FLNB: variants seen among roughly 807,000 people sequenced by gnomAD.
FLNB encodes the protein filamin-B.
In FLNB, 111 loss-of-function variants were observed where a neutral mutation model predicts 250.6. That is an observed-to-expected ratio of 0.44 (90% CI 0.38 to 0.52). The LOEUF (loss-of-function observed/expected upper bound fraction) is 0.52. FLNB is among the 20% of genes least tolerant of loss of function. The probability of loss-of-function intolerance (pLI) is 0.00; values close to 1 mark genes in which losing one functional copy is unlikely to be tolerated. For synonymous variants in FLNB, 1,302 were observed against 1,372.1 expected, an observed-to-expected ratio of 0.95 and a Z score of 1.13; for missense variants, 2,869 against 3,447.8, an observed-to-expected ratio of 0.83 and a Z score of 4.20.
rs531124844 is a variant in FLNB at position 58,109,877 on chromosome 3, A to G, written c.2324-133A>G. 146 of 1,420,520 alleles carry G rather than the reference A, an allele frequency of 1.0e-4. 2 individuals are homozygous for G. In the South Asian group the frequency reaches 1.5e-3, roughly 15 times the overall value. The allele number at this position is 1,420,520 out of a possible 1,614,324, so 88.0% of individuals were successfully genotyped here. ...GCTAATCCATCATCCCTTTCCCCAAATCCTTACTCTTTCTCAGGTTTCTTA... is the reference window on the plus strand; with the variant it reads ...GCTAATCCATCATCCCTTTCCCCAAGTCCTTACTCTTTCTCAGGTTTCTTA... On this transcript the variant is annotated intron_variant, in intron 15 of 45. Coordinates refer to ENST00000295956, the MANE Select transcript of FLNB (RefSeq NM_001457.4).
intron 25 of FLNB, chr3:58,132,300 C>A (rs1345225958): frequency 2.1e-6 from 1 of 465,220 alleles, no homozygotes; most frequent in East Asian, 4.4e-5. Flanking sequence ...GGCACCCTCA[C>A]CTGCCCTGCA....
chr3:58,018,707 G>A lies in FLNB; in HGVS notation c.292+9851G>A, dbSNP rs996445483. 7.9e-5 allele frequency among the ~76,000 whole-genome samples: 12 copies of A among 151,990 alleles called. 1 individual carries two copies. The highest frequency in any genetic ancestry group is 2.2e-4 in the African/African-American group (9 of 41,474). On this transcript the variant is annotated intron_variant, in intron 1 of 45. Coordinates refer to ENST00000295956, the MANE Select transcript of FLNB (RefSeq NM_001457.4). Reference sequence around the variant, plus strand: ...AATTTTTTGTATTTTTAGTAGAAACGGGGTTTCAGCATGTTGGCCAGGCTG... The same window carrying A: ...AATTTTTTGTATTTTTAGTAGAAACAGGGTTTCAGCATGTTGGCCAGGCTG...
chr3:58,103,960 G>T lies in FLNB; in HGVS notation c.1485G>T (p.Lys495Asn). 6.2e-7 allele frequency: 1 copy of T among 1,614,062 alleles called. No homozygotes were observed. Residue 495 changes from lysine to asparagine, a missense_variant and splice_region_variant, in exon 10 of 46, where the codon AAG becomes AAT. By Grantham distance (94) the Lys-to-Asn change is moderately conservative (BLOSUM62 0). Transcript: ENST00000295956. Reference protein sequence around the residue: ...GELGVTMKGPKGLEELVKQKD... With the variant: ...GELGVTMKGPNGLEELVKQKD... ...AGATTATCTCCTTCCTTCCCACAGA[G>T]GGTCTGGAGGAGCTGGTGAAGCAGA...
chr3:58,073,709 A>G (rs1451578967), intron 1 of FLNB, among the ~76,000 whole-genome samples: 1 of 152,136 alleles, frequency 6.6e-6, no homozygotes, highest in Non-Finnish European at 1.5e-5. Flanking sequence ...CGAGACTACA[A>G]GGAAGGTGCC....
rs115881123 is a variant in FLNB, at chr3:58,033,552, T to C, written c.292+24696T>C. Among the ~76,000 whole-genome samples, 1,448 of 152,238 alleles carry C rather than the reference T, an allele frequency of 9.5e-3. 26 individuals are homozygous for C. Among genetic ancestry groups the C allele is most frequent in the African/African-American group, 0.033 (1,385 of 41,536 alleles). ...GATTACAGGCACATGCTATCATGCC[T>C]AGCTAATTTTTGTATTTTTAGTAAA... On this transcript the variant is annotated intron_variant, in intron 1 of 45. Coordinates refer to ENST00000295956, the MANE Select transcript of FLNB (RefSeq NM_001457.4).
chr3:58,095,265 A>G (rs2097236493), intron 5 of FLNB, among the ~76,000 whole-genome samples: 1 of 81,772 alleles, frequency 1.2e-5, no homozygotes, highest in South Asian at 5.8e-4. Flanking sequence ...ATTGAGACAG[A>G]GTTTCACTCC....
intron 4 of FLNB, among the ~76,000 whole-genome samples, chr3:58,088,125 C>G (rs2097220483): frequency 6.8e-6 from 1 of 147,280 alleles, no homozygotes; most frequent in African/African-American, 2.5e-5. Context: ...CGCTGCAACC[C>G]CCGCCTCTGC....
chr3:58,063,406 G>C (rs1183905122), intron 1 of FLNB, among the ~76,000 whole-genome samples: 2 of 152,196 alleles, frequency 1.3e-5, no homozygotes, highest in Non-Finnish European at 2.9e-5. Flanking sequence ...CGTGTGTTTG[G>C]AGGCCTCCTC....
At chr3:58,111,946 T>C in intron 17 of FLNB, 65 bp downstream of exon 17, 1 of 1,376,566 alleles carries the variant, frequency 7.3e-7, no homozygotes, top group Non-Finnish European at 1.0e-6. Flanking sequence ...GCGTGTTTCA[T>C]CCACGGCCTT....
At chr3:58,159,008 T>C (rs752203752) in intron 41 of FLNB, among the ~76,000 whole-genome samples, 6 of 151,832 alleles carry the variant, frequency 4.0e-5, no homozygotes, top group Non-Finnish European at 7.4e-5. Context: ...TTTGGCACCC[T>C]AGATATATAG....
intron 12 of FLNB, 79 bp from the exon 13 acceptor site, chr3:58,108,379 C>T (rs1173204715): frequency 7.8e-6 from 7 of 899,912 alleles, no homozygotes; most frequent in African/African-American, 1.6e-5. Flanking sequence ...CTTCCCCCAC[C>T]CCCTGGTTAC....
At chr3:58,161,510 C>T (rs1457492261) in intron 42 of FLNB, among the ~76,000 whole-genome samples, 2 of 152,138 alleles carry the variant, frequency 1.3e-5, no homozygotes, top group African/African-American at 4.8e-5. Context: ...GGGAAGCTAA[C>T]TCCACCCCAG....
chr3:58,152,704 T>A, intron 38 of FLNB: 1 of 1,300,782 alleles, frequency 7.7e-7, no homozygotes, highest in South Asian at 1.2e-5. Flanking sequence ...TTTTCTGTCC[T>A]CAGGGGTCAG....
At chr3:58,125,322 G>A (rs1310599693) in intron 22 of FLNB, among the ~76,000 whole-genome samples, 1 of 151,824 alleles carries the variant, frequency 6.6e-6, no homozygotes, top group Non-Finnish European at 1.5e-5. Flanking sequence ...TTGTAGAGAT[G>A]GGGTCTCGCC....
chr3:58,078,236 A>T (rs975504491), intron 2 of FLNB: 27 of 1,349,240 alleles, frequency 2.0e-5, no homozygotes, highest in Non-Finnish European at 2.5e-5. Context: ...CCTCTTTCCA[A>T]TTTAAACCTG....
At chr3:58,033,022 G>T (rs759790127) in intron 1 of FLNB, among the ~76,000 whole-genome samples, 2 of 152,100 alleles carry the variant, frequency 1.3e-5, no homozygotes, top group Non-Finnish European at 2.9e-5. Context: ...GCAGTGAGCT[G>T]AGATTGCATG....
chr3:58,108,008 A>G (rs2097262407), intron 12 of FLNB, among the ~76,000 whole-genome samples: 1 of 152,212 alleles, frequency 6.6e-6, no homozygotes, highest in African/African-American at 2.4e-5. Context: ...TAGTTTGGGC[A>G]TGGTTTTAGA....
intron 1 of FLNB, among the ~76,000 whole-genome samples, chr3:58,060,479 A>G (rs1414665331): frequency 6.6e-6 from 1 of 151,724 alleles, no homozygotes; most frequent in Non-Finnish European, 1.5e-5. Flanking sequence ...CAGCCTCCCA[A>G]GTAGCTGGGA....
chr3:58,153,901 A>G (rs2097349234), intron 39 of FLNB, among the ~76,000 whole-genome samples: 1 of 152,072 alleles, frequency 6.6e-6, no homozygotes, highest in African/African-American at 2.4e-5. Context: ...CTGAGTCTCT[A>G]ATTGGGGAGC....
Sources: gnomAD v4.1 joint callset for allele counts (sites outside exome capture counted in the v4.1 genomes callset) on GRCh38, gnomAD v4.1.1 for gene constraint, MANE v1.5 for transcripts, NCBI Gene and HGNC (gene_info 2026-07-23, HGNC 2026-07-21) for gene names.